The following SPIDR variants were observed in gnomAD, a reference collection of about 807,000 sequenced individuals.
SPIDR encodes the protein scaffold protein involved in DNA repair, also known as DNA repair-scaffolding protein.
SPIDR carries 93 observed loss-of-function variants against 104.6 expected under a neutral mutation model. The ratio of observed to expected loss-of-function variants is 0.89; its 90% CI spans 0.75 to 1.06. The LOEUF (loss-of-function observed/expected upper bound fraction) is 1.06. Ranked by LOEUF, SPIDR falls within the 50% of genes least tolerant of loss-of-function variation. The probability of loss-of-function intolerance (pLI) is 0.00; values close to 1 mark genes in which losing one functional copy is unlikely to be tolerated. For missense variants in SPIDR, 1,154 were observed against 1,111.2 expected (o/e 1.04, Z -0.55); for synonymous variants, 431 against 416.9 (o/e 1.03, Z -0.41).
chr8:47,650,169 T>G (rs896797237), intron 10 of SPIDR, among the ~76,000 whole-genome samples: 7 of 152,318 alleles, frequency 4.6e-5, no homozygotes, highest in African/African-American at 1.7e-4. Context: ...AAACTGTTAC[T>G]GTCTGCCACT....
chr8:47,390,274 G>C (rs1272382125), intron 5 of SPIDR, among the ~76,000 whole-genome samples: 1 of 152,116 alleles, frequency 6.6e-6, no homozygotes, highest in Non-Finnish European at 1.5e-5. Flanking sequence ...ATACCACTGA[G>C]AAGCTAGCAT....
chr8:47,263,484 A>AT (rs1484537103), intron 1 of SPIDR, among the ~76,000 whole-genome samples: 5 of 151,998 alleles, frequency 3.3e-5, no homozygotes, highest in African/African-American at 1.2e-4. Flanking sequence ...CACCGGGCTA[A>AT]TTTTTTTTAA....
chr8:47,429,534 A>G (rs1554687580), intron 7 of SPIDR, among the ~76,000 whole-genome samples: 1 of 152,218 alleles, frequency 6.6e-6, no homozygotes. Context: ...AATATAAGCA[A>G]ATAAGAACTG....
At position 47,275,961 on chromosome 8, in the gene SPIDR, A is replaced by G. The variant is rs1217866082; in HGVS notation, c.34-3901A>G. Among the ~76,000 whole-genome samples the G allele has an allele frequency of 5.9e-5, 9 of 152,194 alleles. No homozygotes were observed. The South Asian group carries it at 6.2e-4, about 11-fold the overall frequency. On this transcript the variant is annotated intron_variant, in intron 1 of 19. Transcript: ENST00000297423. ...AGCCTGGGTCTCCTGTGCTCAAGCA[A>G]TCCTCTTGCCTCAGACCCCTGAGTA... is the stretch of plus-strand genomic sequence containing the variant.
chr8:47,327,801 G>A (rs574491152), intron 5 of SPIDR, among the ~76,000 whole-genome samples: 4 of 152,254 alleles, frequency 2.6e-5, no homozygotes, highest in African/African-American at 9.6e-5. Flanking sequence ...GACCTCAGGT[G>A]ATCCACTTGT....
chr8:47,267,502 A>G (rs370128470), intron 1 of SPIDR, among the ~76,000 whole-genome samples: 19 of 152,348 alleles, frequency 1.2e-4, no homozygotes, highest in African/African-American at 4.3e-4. Context: ...TAATTTTGCC[A>G]CATTCTTGCT....
At chr8:47,676,218 T>C (rs1277002386) in intron 11 of SPIDR, among the ~76,000 whole-genome samples, 2 of 152,256 alleles carry the variant, frequency 1.3e-5, no homozygotes, top group Non-Finnish European at 2.9e-5. Context: ...GGAAATGTTT[T>C]TGCCATGGGA....
intron 10 of SPIDR, among the ~76,000 whole-genome samples, chr8:47,655,027 T>A (rs1179657528): frequency 1.3e-5 from 2 of 152,192 alleles, no homozygotes; most frequent in East Asian, 3.8e-4. Context: ...GTTTCCAGCT[T>A]CATCCATGTC....
intron 8 of SPIDR, among the ~76,000 whole-genome samples, chr8:47,575,579 G>A (rs113036775): frequency 0.019 from 2,894 of 150,484 alleles, 72 homozygotes; most frequent in African/African-American, 0.066. Context: ...CCCGGGAGGC[G>A]GAGCTTGCAG....
At chr8:47,470,686 C>G (rs1554720344) in intron 8 of SPIDR, among the ~76,000 whole-genome samples, 2 of 152,062 alleles carry the variant, frequency 1.3e-5, no homozygotes, top group Non-Finnish European at 2.9e-5. Context: ...GACATTGAGC[C>G]CTTGTTTTAC....
intron 7 of SPIDR, among the ~76,000 whole-genome samples, chr8:47,412,812 T>C (rs1280826426): frequency 6.6e-6 from 1 of 152,224 alleles, no homozygotes; most frequent in Non-Finnish European, 1.5e-5. Flanking sequence ...CTGTTTCTTA[T>C]AATCTACTTC....
At chr8:47,566,897 G>A (rs1282554383) in intron 8 of SPIDR, among the ~76,000 whole-genome samples, 1 of 151,872 alleles carries the variant, frequency 6.6e-6, no homozygotes, top group South Asian at 2.1e-4. Context: ...TGATACTGTG[G>A]AAGTGATATT....
At chr8:47,278,816 T>C (rs1483844195) in intron 1 of SPIDR, among the ~76,000 whole-genome samples, 1 of 152,208 alleles carries the variant, frequency 6.6e-6, no homozygotes, top group African/African-American at 2.4e-5. Flanking sequence ...TTAGCTTTTA[T>C]ACCTTCCTGT....
At chr8:47,366,407 T>G (rs1223999821) in intron 5 of SPIDR, among the ~76,000 whole-genome samples, 1 of 152,090 alleles carries the variant, frequency 6.6e-6, no homozygotes, top group Non-Finnish European at 1.5e-5. Flanking sequence ...TTAGGGACTT[T>G]CTTGGGAGAT....
intron 7 of SPIDR, among the ~76,000 whole-genome samples, chr8:47,415,857 C>T (rs1554674975): frequency 1.3e-5 from 2 of 152,200 alleles, no homozygotes; most frequent in African/African-American, 4.8e-5. Context: ...CAGAAGGGTC[C>T]ATCACCCCAA....
intron 10 of SPIDR, chr8:47,659,773 T>A: frequency 1.0e-6 from 1 of 961,226 alleles, no homozygotes; most frequent in Non-Finnish European, 1.2e-6. Context: ...TTGGTTTTTT[T>A]CCTTGGGTTG....
intron 10 of SPIDR, among the ~76,000 whole-genome samples, chr8:47,624,055 T>A (rs2065594963): frequency 6.6e-6 from 1 of 152,146 alleles, no homozygotes; most frequent in Non-Finnish European, 1.5e-5. Context: ...CACAGTGCAA[T>A]CAAACTAGAA....
At chr8:47,724,875 T>C (rs1008601708) in intron 16 of SPIDR, among the ~76,000 whole-genome samples, 2 of 152,152 alleles carry the variant, frequency 1.3e-5, no homozygotes, top group African/African-American at 2.4e-5. Flanking sequence ...CTCTGCTGTG[T>C]CTTCTGGGGT....
intron 12 of SPIDR, among the ~76,000 whole-genome samples, chr8:47,701,182 C>T (rs1474603972): frequency 1.3e-5 from 2 of 152,200 alleles, no homozygotes; most frequent in African/African-American, 4.8e-5. Context: ...GCCTGTAATC[C>T]CAGCACTTGG....
Sources: allele counts gnomAD v4.1 joint callset (sites outside exome capture counted in the v4.1 genomes callset), GRCh38; gene constraint gnomAD v4.1.1; transcripts MANE v1.5; gene names NCBI Gene and HGNC (gene_info 2026-07-23, HGNC 2026-07-21).